MTNAP1: variants seen among roughly 807,000 people sequenced by gnomAD.
MTNAP1 encodes mitochondrial nucleoid associated protein 1.
the MTNAP1 span, chr17:73,236,269 A>G: frequency 1.2e-6 from 2 of 1,614,096 alleles, no homozygotes; most frequent in Non-Finnish European, 8.5e-7. Flanking sequence ...AGGAGTCCCT[A>G]CTGATGTTAC....
At chr17:73,237,605 C>T in the MTNAP1 span, among the ~76,000 whole-genome samples, 1 of 152,044 alleles carries the variant, frequency 6.6e-6, no homozygotes, top group Non-Finnish European at 1.5e-5. Context: ...CCAGTAGAAA[C>T]TGGATGGGTA....
the MTNAP1 span, among the ~76,000 whole-genome samples, chr17:73,234,771 A>ATGTGTGTGTGTGTGTGTGTGTG: frequency 1.7e-5 from 1 of 59,162 alleles, no homozygotes; most frequent in Non-Finnish European, 4.4e-5. Flanking sequence ...TTTTATGTAT[A>ATGTGTGTGTGTGTGTGTGTGTG]TCTGTGTGTG....
At chr17:73,235,555 T>C in the MTNAP1 span, 4 of 1,614,136 alleles carry the variant, frequency 2.5e-6, no homozygotes, top group Non-Finnish European at 3.4e-6. Context: ...AAAATCCCAC[T>C]TGCCATACTG....
chr17:73,234,681 CA>C, the MTNAP1 span, among the ~76,000 whole-genome samples: 223 of 98,000 alleles, frequency 2.3e-3, 1 homozygote, highest in Non-Finnish European at 2.4e-3. Flanking sequence ...GACTCTGTCT[CA>C]AAAAAAAAAA....
At chr17:73,237,105 C>A in the MTNAP1 span, 1 of 1,139,016 alleles carries the variant, frequency 8.8e-7, no homozygotes, top group Non-Finnish European at 1.2e-6. Flanking sequence ...AGTTTATTTT[C>A]ACCTAGGCAT....
At chr17:73,236,481 G>A in the MTNAP1 span, 1 of 1,614,172 alleles carries the variant, frequency 6.2e-7, no homozygotes, top group South Asian at 1.1e-5. Context: ...ATGGCTGTGA[G>A]AACTTCAACA....
chr17:73,237,538 T>C, the MTNAP1 span, among the ~76,000 whole-genome samples: 7 of 152,156 alleles, frequency 4.6e-5, no homozygotes, highest in African/African-American at 1.7e-4. Flanking sequence ...AGGGTTACAC[T>C]AGGGCAGGCT....
At chr17:73,234,009 G>A in the MTNAP1 span, among the ~76,000 whole-genome samples, 814 of 152,314 alleles carry the variant, frequency 5.3e-3, 26 homozygotes, top group East Asian at 0.055. Context: ...TGAAGATTGT[G>A]TCTATTTTGT....
chr17:73,248,033 G>A, the MTNAP1 span: 1 of 157,374 alleles, frequency 6.4e-6, no homozygotes, highest in African/African-American at 2.4e-5. Flanking sequence ...TAAACTGATA[G>A]CTGATTATTT....
At chr17:73,244,943 A>G in the MTNAP1 span, among the ~76,000 whole-genome samples, 1 of 152,248 alleles carries the variant, frequency 6.6e-6, no homozygotes, top group African/African-American at 2.4e-5. Context: ...TTTCTCCCAC[A>G]GAGAAAAGGG....
chr17:73,235,361 G>A, the MTNAP1 span: 31 of 888,254 alleles, frequency 3.5e-5, no homozygotes, highest in East Asian at 2.1e-4. Flanking sequence ...TGCTGTAACC[G>A]TAAGTAGCAA....
chr17:73,245,289 G>T, the MTNAP1 span: 1 of 1,492,308 alleles, frequency 6.7e-7, no homozygotes. Context: ...TATAATATTT[G>T]GGACAGGGAG....
the MTNAP1 span, chr17:73,236,368 CAA>C: frequency 5.6e-6 from 9 of 1,613,974 alleles, no homozygotes; most frequent in Admixed American, 1.7e-5. Flanking sequence ...CATGGAGAAA[CAA>C]GAGAAAGGAC....
At chr17:73,239,416 A>G in the MTNAP1 span, among the ~76,000 whole-genome samples, 1 of 152,164 alleles carries the variant, frequency 6.6e-6, no homozygotes, top group Non-Finnish European at 1.5e-5. Context: ...GACTATGACT[A>G]TCGTTATGCT....
chr17:73,232,662 G>A, the MTNAP1 span: 1 of 231,242 alleles, frequency 4.3e-6, no homozygotes, highest in Middle Eastern at 1.4e-3. Flanking sequence ...AGGGGCCTGG[G>A]GGGCTTCCCT....
At chr17:73,242,682 G>T in the MTNAP1 span, among the ~76,000 whole-genome samples, 1 of 152,150 alleles carries the variant, frequency 6.6e-6, no homozygotes, top group African/African-American at 2.4e-5. Context: ...TCCCACTAAA[G>T]ATTTTAACCA....
the MTNAP1 span, among the ~76,000 whole-genome samples, chr17:73,246,407 A>T: frequency 3.9e-5 from 6 of 152,298 alleles, no homozygotes; most frequent in East Asian, 1.2e-3. Flanking sequence ...TCAGTGGCAC[A>T]CGCCTGTAGT....
the MTNAP1 span, chr17:73,245,220 G>A: frequency 6.2e-7 from 1 of 1,613,054 alleles, no homozygotes; most frequent in South Asian, 1.1e-5. Context: ...TAAAGCTCTG[G>A]AACAGCAAAG....
chr17:73,237,883 A>G, the MTNAP1 span, among the ~76,000 whole-genome samples: 7 of 152,348 alleles, frequency 4.6e-5, no homozygotes, highest in Non-Finnish European at 1.0e-4. Flanking sequence ...ATGAACAGTG[A>G]AGATCAAGGA....
Sources: allele counts gnomAD v4.1 joint callset (sites outside exome capture counted in the v4.1 genomes callset), GRCh38; gene constraint gnomAD v4.1.1; transcripts MANE v1.5; gene names NCBI Gene and HGNC (gene_info 2026-07-23, HGNC 2026-07-21).